CFAP43: variants seen among roughly 807,000 people sequenced by gnomAD.
CFAP43 encodes cilia- and flagella-associated protein 43.
CFAP43 carries 155 observed loss-of-function variants against 218.9 expected under a neutral mutation model. That is an observed-to-expected ratio of 0.71 (90% CI 0.62 to 0.81). The LOEUF is 0.81. CFAP43 is among the 30% of genes least tolerant of loss of function. The probability of loss-of-function intolerance (pLI) is 0.00; values close to 1 mark genes in which losing one functional copy is unlikely to be tolerated. For missense variants in CFAP43, 1,778 were observed against 1,954.3 expected (o/e 0.91, Z 1.70); for synonymous variants, 645 against 681.3 (o/e 0.95, Z 0.83).
At chr10:104,183,569 T>G (rs1455101608) in intron 16 of CFAP43, among the ~76,000 whole-genome samples, 2 of 152,146 alleles carry the variant, frequency 1.3e-5, no homozygotes, top group East Asian at 3.9e-4. Context: ...TTTTGTATTT[T>G]TAGTAGAGAC....
intron 3 of CFAP43, among the ~76,000 whole-genome samples, chr10:104,224,754 C>CAAAA (rs66877503): frequency 3.6e-4 from 25 of 70,110 alleles, no homozygotes; most frequent in African/African-American, 8.2e-4. Context: ...GACTCCATCT[C>CAAAA]AAAAAAAAAA....
At chr10:104,177,841 G>A (rs148769641) in intron 19 of CFAP43, among the ~76,000 whole-genome samples, 1 of 152,188 alleles carries the variant, frequency 6.6e-6, no homozygotes, top group Admixed American at 6.5e-5. Flanking sequence ...AATGGAGAAA[G>A]CCTTCAACAT....
At chr10:104,227,166 T>C (rs1243179784) in intron 2 of CFAP43, among the ~76,000 whole-genome samples, 1 of 152,208 alleles carries the variant, frequency 6.6e-6, no homozygotes, top group Non-Finnish European at 1.5e-5. Context: ...GTTTGCATAA[T>C]ACCCCTTTAT....
chr10:104,183,889 A>G (rs2089943151), intron 16 of CFAP43, among the ~76,000 whole-genome samples: 1 of 152,232 alleles, frequency 6.6e-6, no homozygotes, highest in South Asian at 2.1e-4. Flanking sequence ...TCTATTCAGA[A>G]TCCCATGTAT....
At chr10:104,227,835 CTTTTTTTTTTT>C (rs776193577) in intron 2 of CFAP43, among the ~76,000 whole-genome samples, 15 of 58,356 alleles carry the variant, frequency 2.6e-4, no homozygotes, top group South Asian at 6.8e-4. Context: ...ATGTTTTCTA[CTTTTTTTTTTT>C]TTTTTTTTTT....
chr10:104,194,256 T>C (rs905261645), intron 10 of CFAP43, among the ~76,000 whole-genome samples: 1 of 152,086 alleles, frequency 6.6e-6, no homozygotes, highest in African/African-American at 2.4e-5. Context: ...TAGAGAGAGA[T>C]TTCTTGAAAT....
intron 37 of CFAP43, 134 bp from the exon 38 acceptor site, chr10:104,130,439 C>A: frequency 2.0e-6 from 2 of 1,018,568 alleles, no homozygotes; most frequent in East Asian, 2.7e-5. Context: ...TACAGCAGCA[C>A]TATCACAAAA....
Position 104,214,248 on chromosome 10 carries a change from A to G in CFAP43, c.584+11T>C. ...CCACCATGTTGCTACTGTTGTAACAAAGGCTCCTACCTTGCTCTGAAACAA... is the reference window on the plus strand; with the variant it reads ...CCACCATGTTGCTACTGTTGTAACAGAGGCTCCTACCTTGCTCTGAAACAA... On this transcript the variant is annotated intron_variant, in intron 4 of 37. Coordinates refer to ENST00000357060, the MANE Select transcript of CFAP43 (RefSeq NM_025145.7). 3.2e-6 allele frequency: 5 copies of G among 1,556,988 alleles called. No individual in the cohort carries two copies. The highest frequency in any genetic ancestry group is 4.3e-6 in the Non-Finnish European group (5 of 1,151,730).
At chr10:104,178,754 T>C (rs980059752) in intron 19 of CFAP43, among the ~76,000 whole-genome samples, 7 of 152,216 alleles carry the variant, frequency 4.6e-5, no homozygotes, top group African/African-American at 1.7e-4. Flanking sequence ...CACAACTCAG[T>C]ATTATTTAAT....
At chr10:104,177,125 G>A (rs1171983989) in intron 19 of CFAP43, among the ~76,000 whole-genome samples, 1 of 151,960 alleles carries the variant, frequency 6.6e-6, no homozygotes, top group Admixed American at 6.6e-5. Flanking sequence ...AAGAGACAAA[G>A]GTTTCCTATT....
At chr10:104,189,783 G>A (rs555587531) in intron 12 of CFAP43, among the ~76,000 whole-genome samples, 1 of 152,198 alleles carries the variant, frequency 6.6e-6, no homozygotes, top group Non-Finnish European at 1.5e-5. Context: ...TGGGAGGATT[G>A]CTTGACTCCA....
chr10:104,185,534 G>A (rs891197191), intron 15 of CFAP43, among the ~76,000 whole-genome samples: 1 of 152,132 alleles, frequency 6.6e-6, no homozygotes, highest in Non-Finnish European at 1.5e-5. Flanking sequence ...TATGTGTGAA[G>A]TAGCTGAGTA....
chr10:104,143,062 A>G (rs2087781417), intron 32 of CFAP43, among the ~76,000 whole-genome samples: 1 of 152,220 alleles, frequency 6.6e-6, no homozygotes, highest in Non-Finnish European at 1.5e-5. Flanking sequence ...ACTTCAACCT[A>G]TAATCAATAT....
chr10:104,149,154 T>G (rs1258452056), intron 28 of CFAP43, among the ~76,000 whole-genome samples: 5 of 152,202 alleles, frequency 3.3e-5, no homozygotes, highest in Admixed American at 2.6e-4. Context: ...ATCCTTTTTA[T>G]TTCTTGAAAA....
At chr10:104,164,746 CTTAATA>C (rs2089067500) in intron 23 of CFAP43, among the ~76,000 whole-genome samples, 1 of 152,176 alleles carries the variant, frequency 6.6e-6, no homozygotes, top group South Asian at 2.1e-4. Flanking sequence ...TAGAATACTA[CTTAATA>C]TTAAGTCATT....
intron 8 of CFAP43, among the ~76,000 whole-genome samples, chr10:104,200,471 A>G (rs2090500389): frequency 6.6e-6 from 1 of 151,940 alleles, no homozygotes; most frequent in Non-Finnish European, 1.5e-5. Context: ...GGAGTTTGAG[A>G]CCAGCCTGGC....
chr10:104,147,837 A>AG, intron 29 of CFAP43, 54 bp downstream of exon 29: 1 of 1,270,634 alleles, frequency 7.9e-7, no homozygotes, highest in Non-Finnish European at 1.1e-6. Context: ...TTGCTAAATG[A>AG]GGGGCATGTC....
intron 7 of CFAP43, among the ~76,000 whole-genome samples, chr10:104,204,492 T>C (rs2090623165): frequency 6.6e-6 from 1 of 152,254 alleles, no homozygotes; most frequent in Non-Finnish European, 1.5e-5. Context: ...TGGTTTCAAA[T>C]GCTTGGGCCC....
chr10:104,202,528 G>C (rs982333486), intron 8 of CFAP43, among the ~76,000 whole-genome samples: 25 of 152,090 alleles, frequency 1.6e-4, no homozygotes, highest in Non-Finnish European at 8.8e-5. Context: ...TCTTTTCACT[G>C]TATTGTTCTT....
Sources: allele counts gnomAD v4.1 joint callset (sites outside exome capture counted in the v4.1 genomes callset), GRCh38; gene constraint gnomAD v4.1.1; transcripts MANE v1.5; gene names NCBI Gene and HGNC (gene_info 2026-07-23, HGNC 2026-07-21).